The following DNAH14 variants were observed in gnomAD, a reference collection of about 807,000 sequenced individuals.
The protein encoded by DNAH14 is dynein axonemal heavy chain 14, also known as axonemal beta dynein heavy chain 14.
A neutral mutation model predicts 520.9 loss-of-function variants in DNAH14; 478 were observed. The observed-to-expected ratio is 0.92, with a 90% confidence interval of 0.85 to 0.99. The LOEUF (loss-of-function observed/expected upper bound fraction) is 0.99, where lower values mean the gene tolerates loss of function less well. Ranked by LOEUF, DNAH14 falls within the 50% of genes least tolerant of loss-of-function variation. The pLI is 0.00. For missense variants in DNAH14, 4,831 were observed against 5,234.5 expected (o/e 0.92, Z 2.38); for synonymous variants, 1,581 against 1,757.2 (o/e 0.90, Z 2.51).
chr1:225,213,349 TC>T (rs1313451216), intron 41 of DNAH14, among the ~76,000 whole-genome samples: 3 of 152,180 alleles, frequency 2.0e-5, no homozygotes, highest in Non-Finnish European at 4.4e-5. Flanking sequence ...GCATGATGCC[TC>T]CAGCTTTGTT....
chr1:225,005,514 T>G lies in DNAH14; in HGVS notation c.976-1899T>G, dbSNP rs909556991. On this transcript the variant is annotated intron_variant, in intron 9 of 85. Transcript: ENST00000682510. ...AAATGCAGGTATAAGCAATAAAGAC[T>G]TTAATTAGGATGTCATCAGTAAGAC... is the stretch of plus-strand genomic sequence containing the variant. Among the ~76,000 whole-genome samples, 16 of 152,212 alleles carry G rather than the reference T, an allele frequency of 1.1e-4. 1 individual carries two copies. The highest frequency in any genetic ancestry group is 6.8e-3 in the Middle Eastern group (2 of 294).
chr1:225,374,903 C>T lies in DNAH14; in HGVS notation c.12516+18C>T. 1.3e-6 allele frequency: 2 copies of T among 1,510,152 alleles called. No individual in the cohort carries two copies. Among genetic ancestry groups the T allele is most frequent in the Non-Finnish European group, 8.9e-7 (1 of 1,121,706 alleles). 93.5% of individuals were successfully genotyped at this position (1,510,152 alleles called of 1,614,324 possible). On this transcript the variant is annotated intron_variant, in intron 78 of 85. Coordinates refer to ENST00000682510, the MANE Select transcript of DNAH14 (RefSeq NM_001367479.1). Reference sequence around the variant, plus strand: ...GTGATGGGGTAGGAAAAGAATCAATCTTCTTGCATTTCTCGATAATTTTAA... The same window carrying T: ...GTGATGGGGTAGGAAAAGAATCAATTTTCTTGCATTTCTCGATAATTTTAA...
chr1:224,981,908 C>A (rs1429193689), intron 8 of DNAH14, among the ~76,000 whole-genome samples: 1 of 152,038 alleles, frequency 6.6e-6, no homozygotes, highest in Non-Finnish European at 1.5e-5. Flanking sequence ...AGTCACAAAC[C>A]TTTTGGAAGG....
chr1:225,293,676 G>A (rs1404847786), intron 55 of DNAH14, among the ~76,000 whole-genome samples: 1 of 152,118 alleles, frequency 6.6e-6, no homozygotes, highest in East Asian at 1.9e-4. Context: ...TGTGAAGGGT[G>A]GGAGGAGGGA....
At chr1:224,961,678 C>T (rs938548212) in intron 4 of DNAH14, among the ~76,000 whole-genome samples, 2 of 152,168 alleles carry the variant, frequency 1.3e-5, no homozygotes, top group Middle Eastern at 3.2e-3. Context: ...TGGTCCCACA[C>T]TTGACACATG....
At chr1:224,930,149 T>A (rs972491257) in intron 1 of DNAH14, among the ~76,000 whole-genome samples, 13 of 152,380 alleles carry the variant, frequency 8.5e-5, no homozygotes, top group African/African-American at 2.6e-4. Flanking sequence ...TGAAGTTTTT[T>A]AAAATTTTCC....
intron 36 of DNAH14, among the ~76,000 whole-genome samples, chr1:225,173,209 C>A (rs1430732503): frequency 6.6e-6 from 1 of 152,212 alleles, no homozygotes; most frequent in African/African-American, 2.4e-5. Context: ...CCAAGGACTT[C>A]ATGTCTAAAA....
Position 225,043,960 on chromosome 1 carries a change from T to G in DNAH14, c.1889T>G (p.Leu630Trp). The change falls in exon 15 of 86, where the codon TTG (leucine) becomes TGG (tryptophan). Residue 630 changes from leucine (L) to tryptophan (W), a missense_variant. Leu to Trp is a moderately conservative substitution (Grantham distance 61). Transcript: ENST00000682510. ...TTTTCAGTAAAAATTCAAAATATGT[T>G]GACTAATATGGAAAAATGTATAAGT... is the stretch of plus-strand genomic sequence containing the variant. ...LEFSVKIQNM[L>W]TNMEKCITTI... 1 of 1,502,894 alleles carries G rather than the reference T, an allele frequency of 6.7e-7. No individual in the cohort carries two copies. The highest frequency in any genetic ancestry group is 9.0e-7 in the Non-Finnish European group (1 of 1,109,586). The allele number at this position is 1,502,894 out of a possible 1,614,324, so 93.1% of individuals were successfully genotyped here.
intron 23 of DNAH14, among the ~76,000 whole-genome samples, chr1:225,105,599 G>C (rs563638224): frequency 6.6e-6 from 1 of 152,318 alleles, no homozygotes; most frequent in Admixed American, 6.5e-5. Flanking sequence ...ATTTAGGATA[G>C]TTAGCTCTTC....
At chr1:225,054,305 T>C (rs1179800924) in intron 17 of DNAH14, among the ~76,000 whole-genome samples, 1 of 152,178 alleles carries the variant, frequency 6.6e-6, no homozygotes, top group Non-Finnish European at 1.5e-5. Flanking sequence ...TATTAATACA[T>C]GGGGACTTGA....
intron 9 of DNAH14, among the ~76,000 whole-genome samples, chr1:225,006,406 A>C (rs1384780394): frequency 1.3e-5 from 2 of 152,212 alleles, no homozygotes; most frequent in African/African-American, 4.8e-5. Context: ...GAACAGAGTC[A>C]TATTTCTCTT....
chr1:225,395,325 G>A (rs2095991634), intron 84 of DNAH14, among the ~76,000 whole-genome samples: 1 of 152,194 alleles, frequency 6.6e-6, no homozygotes, highest in Non-Finnish European at 1.5e-5. Context: ...CGGGCGCGGT[G>A]TCTCACACCT....
intron 17 of DNAH14, among the ~76,000 whole-genome samples, chr1:225,061,687 T>C (rs1402038560): frequency 6.6e-6 from 1 of 152,132 alleles, no homozygotes; most frequent in Non-Finnish European, 1.5e-5. Context: ...TGGGGTCTTG[T>C]TATGTTGCCC....
chr1:225,204,182 G>A lies in DNAH14; in HGVS notation c.5887-1G>A. On this transcript the variant is annotated splice_acceptor_variant, in intron 38 of 85. Coordinates refer to ENST00000682510, the MANE Select transcript of DNAH14 (RefSeq NM_001367479.1). LOFTEE classifies it high-confidence loss of function. ...TAAACATTATTGATTACATATTTTA[G>A]GTTTTCAAACTTGATTCCTCTGATA... The A allele has an allele frequency of 7.0e-7, 1 of 1,429,500 alleles. No individual in the cohort carries two copies. Among genetic ancestry groups the A allele is most frequent in the Non-Finnish European group, 9.2e-7 (1 of 1,086,914 alleles). 88.6% of individuals were successfully genotyped at this position (1,429,500 alleles called of 1,614,324 possible).
At chr1:225,105,978 C>CATTG (rs2076011435) in intron 23 of DNAH14, among the ~76,000 whole-genome samples, 1 of 104,488 alleles carries the variant, frequency 9.6e-6, no homozygotes, top group Admixed American at 9.4e-5. Context: ...TTTCTTCCTG[C>CATTG]ATGGTCTTTA....
intron 41 of DNAH14, among the ~76,000 whole-genome samples, chr1:225,211,873 A>AATTAATTAATTT (rs1226840191): frequency 6.8e-6 from 1 of 147,180 alleles, no homozygotes; most frequent in African/African-American, 2.5e-5. Flanking sequence ...TTCAACCCAG[A>AATTAATTAATTT]ATTTATTTAT....
At chr1:225,175,376 G>A (rs1441300737) in intron 36 of DNAH14, among the ~76,000 whole-genome samples, 1 of 152,056 alleles carries the variant, frequency 6.6e-6, no homozygotes, top group African/African-American at 2.4e-5. Flanking sequence ...TTGATAAGTT[G>A]TATGTGTCCA....
chr1:225,343,148 C>A (rs946785627), intron 69 of DNAH14, among the ~76,000 whole-genome samples: 3 of 152,192 alleles, frequency 2.0e-5, no homozygotes, highest in Non-Finnish European at 4.4e-5. Context: ...TCTTCCCTAA[C>A]AAATTGCTGC....
At chr1:225,204,902 G>A (rs1267017522) in intron 39 of DNAH14, among the ~76,000 whole-genome samples, 1 of 152,134 alleles carries the variant, frequency 6.6e-6, no homozygotes, top group East Asian at 1.9e-4. Context: ...TTTGGGGAGA[G>A]TACAGTGATT....
Sources: allele counts gnomAD v4.1 joint callset (sites outside exome capture counted in the v4.1 genomes callset), GRCh38; gene constraint gnomAD v4.1.1; transcripts MANE v1.5; gene names NCBI Gene and HGNC (gene_info 2026-07-23, HGNC 2026-07-21).